The following VAC14 variants were observed in gnomAD, a reference collection of about 807,000 sequenced individuals.
VAC14 encodes the protein protein VAC14 homolog.
VAC14 carries 47 observed loss-of-function variants against 85.3 expected under a neutral mutation model. That is an observed-to-expected ratio of 0.55 (90% CI 0.44 to 0.70). The LOEUF (loss-of-function observed/expected upper bound fraction) is 0.70. Ranked by LOEUF, VAC14 falls within the 30% of genes least tolerant of loss-of-function variation. VAC14 has a pLI of 0.00. For synonymous variants in VAC14, 447 were observed against 430.5 expected, an observed-to-expected ratio of 1.04 and a Z score of -0.47; for missense variants, 861 against 1,004.3, an observed-to-expected ratio of 0.86 and a Z score of 1.93.
intron 13 of VAC14, among the ~76,000 whole-genome samples, chr16:70,737,187 G>A (rs911107889): frequency 2.0e-5 from 3 of 152,216 alleles, no homozygotes; most frequent in African/African-American, 7.2e-5. Flanking sequence ...GCCCACCTCC[G>A]GCTCTGGCTC....
rs548450613 is a variant in VAC14, at chr16:70,726,719, C to T, written c.1661+4776G>A. Reference sequence around the variant, plus strand: ...GTACAGCACCCCACCGCACATGTCGCCATCTTCGCTCTATCTGTGAGCTTG... The same window carrying T: ...GTACAGCACCCCACCGCACATGTCGTCATCTTCGCTCTATCTGTGAGCTTG... On this transcript the variant is annotated intron_variant, in intron 14 of 18. Coordinates refer to ENST00000261776, the MANE Select transcript of VAC14 (RefSeq NM_018052.5). 2.6e-3 allele frequency among the ~76,000 whole-genome samples: 395 copies of T among 152,300 alleles called. 1 individual carries two copies. The highest frequency in any genetic ancestry group is 4.7e-3 in the Non-Finnish European group (318 of 68,032).
In VAC14 at chr16:70,786,094, G is replaced by C. The variant is rs914120033; in HGVS notation, c.255+121C>G. The stretch of plus-strand genomic sequence containing the variant: ...GCCTTGCTGGTCTCAGGTGCGGACA[G>C]AGTGGTAATAAAACATAGGTCTGCA... On this transcript the variant is annotated intron_variant, in intron 2 of 18. Coordinates refer to ENST00000261776, the MANE Select transcript of VAC14 (RefSeq NM_018052.5). The C allele has an allele frequency of 3.4e-6, 5 of 1,483,554 alleles. No homozygotes were observed. In the African/African-American group the frequency reaches 7.0e-5, roughly 21 times the overall value. 91.9% of individuals were successfully genotyped at this position (1,483,554 alleles called of 1,614,324 possible). A position where few individuals can be genotyped will look rare whatever the true frequency, so the allele number is the denominator to read the frequency against.
At chr16:70,692,186 C>T in intron 18 of VAC14, 1 of 710,238 alleles carries the variant, frequency 1.4e-6, no homozygotes, top group Non-Finnish European at 1.7e-6. Context: ...GGAGCCGGCA[C>T]TCCTCTGACC....
chr16:70,762,727 C>T lies in VAC14; in HGVS notation c.1306-122G>A. ...CTGCACGGACCACTTCCCTCCCCGACACAATGAGGGCTCCTCGCAGCACCT... is the reference window on the plus strand; with the variant it reads ...CTGCACGGACCACTTCCCTCCCCGATACAATGAGGGCTCCTCGCAGCACCT... On this transcript the variant is annotated intron_variant, in intron 11 of 18. Coordinates refer to ENST00000261776, the MANE Select transcript of VAC14 (RefSeq NM_018052.5). This position sits in a 1 kb window ranked among gnomAD's most constrained non-coding sequence, Gnocchi z 4.1. 6.7e-7 allele frequency: 1 copy of T among 1,486,702 alleles called. No individual in the cohort carries two copies. The highest frequency in any genetic ancestry group is 9.2e-7 in the Non-Finnish European group (1 of 1,083,772). 92.1% of individuals were successfully genotyped at this position (1,486,702 alleles called of 1,614,324 possible).
chr16:70,713,703 GTTTTTGT>G (rs1475035407), intron 14 of VAC14, among the ~76,000 whole-genome samples: 5 of 109,480 alleles, frequency 4.6e-5, no homozygotes, highest in Non-Finnish European at 1.0e-4. Flanking sequence ...GAGCATCTTT[GTTTTTGT>G]TTTTTTTTTT....
intron 13 of VAC14, 42 bp downstream of exon 13, chr16:70,744,381 C>T (rs767175149): frequency 1.7e-5 from 28 of 1,612,568 alleles, no homozygotes; most frequent in Non-Finnish European, 2.3e-5. Context: ...CCGGCACTGG[C>T]ACTAAGGCCC....
At position 70,786,327 on chromosome 16, in the gene VAC14, T is replaced by G; in HGVS notation, c.143A>C (p.Gln48Pro). Residue 48 changes from glutamine to proline, a missense_variant, in exon 2 of 19, where the codon CAA becomes CCA. Coordinates refer to ENST00000261776, the MANE Select transcript of VAC14 (RefSeq NM_018052.5). ...REFVAQNNTV[Q>P]IKHVIQTLSQ... Reference sequence around the variant, plus strand: ...CAGGGTCTGGATCACATGCTTGATTTGCACGGTATTGTTCTGGGCCACGAA... The same window carrying G: ...CAGGGTCTGGATCACATGCTTGATTGGCACGGTATTGTTCTGGGCCACGAA... 1.2e-6 allele frequency: 2 copies of G among 1,614,236 alleles called. No individual in the cohort carries two copies. Among genetic ancestry groups the G allele is most frequent in the Non-Finnish European group, 1.7e-6 (2 of 1,180,040 alleles).
intron 12 of VAC14, among the ~76,000 whole-genome samples, chr16:70,755,753 G>A (rs1026037496): frequency 6.6e-6 from 1 of 152,214 alleles, no homozygotes. Flanking sequence ...TGGAGGGGCC[G>A]TCATTGGCTC....
intron 13 of VAC14, among the ~76,000 whole-genome samples, chr16:70,743,489 A>C (rs1364314764): frequency 6.6e-6 from 1 of 152,250 alleles, no homozygotes; most frequent in Non-Finnish European, 1.5e-5. Context: ...TAACAGCTGT[A>C]ACACTTGCCG....
In VAC14 at chr16:70,771,824, GC is replaced by G. The variant is rs2143165652; in HGVS notation, c.1160+284del. On this transcript the variant is annotated intron_variant, in intron 10 of 18. Transcript: ENST00000261776. ...TTAAACTCCTGAGCTCAAGCGATGT[GC>G]CTGCCTTGGCCTCCCCAAGTGCTGG... 2.6e-5 allele frequency: 9 copies of G among 349,834 alleles called. No homozygotes were observed. The South Asian group carries it at 4.5e-4, about 17-fold the overall frequency. 21.7% of individuals were successfully genotyped at this position (349,834 alleles called of 1,614,324 possible). A position where few individuals can be genotyped will look rare whatever the true frequency, so the allele number is the denominator to read the frequency against.
chr16:70,730,124 C>G (rs985668764), intron 14 of VAC14, among the ~76,000 whole-genome samples: 8 of 151,920 alleles, frequency 5.3e-5, no homozygotes, highest in Non-Finnish European at 1.0e-4. Context: ...CCAGACAAAT[C>G]TACTTCCTAC....
chr16:70,745,077 G>A (rs190769688), intron 12 of VAC14: 1 of 155,648 alleles, frequency 6.4e-6, no homozygotes, highest in East Asian at 1.9e-4. Context: ...GGCCACTGCA[G>A]ACCCTAAAGC....
At chr16:70,778,564 C>T (rs2033642706) in intron 9 of VAC14, 1 of 152,110 alleles carries the variant, frequency 6.6e-6, no homozygotes, top group African/African-American at 2.4e-5. Flanking sequence ...TCTAGAACAT[C>T]TCCATAACCC....
intron 17 of VAC14, 40 bp from the exon 18 acceptor site, chr16:70,693,011 G>A (rs760942892): frequency 2.8e-5 from 45 of 1,588,864 alleles, no homozygotes; most frequent in Admixed American, 7.0e-5. Context: ...ACCTGGCACT[G>A]CTCTGGGACA....
rs2053524407 is a variant in VAC14, at chr16:70,687,831, G to T, written c.*97C>A. ...GCCCTGGGTTGGCAGGCCCAGCCCT[G>T]GTCCTGACAGGCAGGTCCTTGAGCT... On this transcript the variant is annotated 3_prime_UTR_variant, in exon 19 of 19. Coordinates refer to ENST00000261776, the MANE Select transcript of VAC14 (RefSeq NM_018052.5). 1 of 1,283,590 alleles carries T rather than the reference G, an allele frequency of 7.8e-7. No individual in the cohort carries two copies. Among genetic ancestry groups the T allele is most frequent in the African/African-American group, 1.5e-5 (1 of 64,900 alleles). The allele number at this position is 1,283,590 out of a possible 1,614,324, so 79.5% of individuals were successfully genotyped here.
rs745504886 is a variant in VAC14, at chr16:70,780,921, T to C, written c.965A>G (p.Asn322Ser). The change falls in exon 9 of 19, where the codon AAC becomes AGC. Residue 322 changes from asparagine to serine, a missense_variant. Coordinates refer to ENST00000261776, the MANE Select transcript of VAC14 (RefSeq NM_018052.5). ...CTTCATCAGGCTCTGGTTGCACACG[T>C]TGGCCACTTCTTTGATGCCTGAGTC... ...DRKKSIKEVA[N>S]VCNQSLMKLV... 79 of 1,614,052 alleles carry C rather than the reference T, an allele frequency of 4.9e-5. No homozygotes were observed. The highest frequency in any genetic ancestry group is 1.7e-4 in the Admixed American group (10 of 59,996).
rs762981155 is a variant in VAC14, at chr16:70,688,115, C to T, written c.2187-25G>A. On this transcript the variant is annotated intron_variant, in intron 18 of 18. Transcript: ENST00000261776. ...TCTGGGAAGAGGGAGCAGAAATGCT[C>T]AGTGTCAGGGATCAGCTCACAGGGG... 4 of 1,523,736 alleles carry T rather than the reference C, an allele frequency of 2.6e-6. No homozygotes were observed. In the Admixed American group the frequency reaches 7.6e-5, roughly 29 times the overall value. 94.4% of individuals were successfully genotyped at this position (1,523,736 alleles called of 1,614,324 possible).
At chr16:70,759,760 A>G (rs2032168417) in intron 12 of VAC14, among the ~76,000 whole-genome samples, 1 of 152,208 alleles carries the variant, frequency 6.6e-6, no homozygotes, top group African/African-American at 2.4e-5. Context: ...TGAGGAAATG[A>G]GGAGGAAGAT....
chr16:70,763,160 G>A (rs1648229744), intron 10 of VAC14, 135 bp from the exon 11 acceptor site: 1 of 1,288,746 alleles, frequency 7.8e-7, no homozygotes, highest in South Asian at 1.5e-5. Context: ...TCGGGGGTCA[G>A]GGATAACCTG....
Sources: gnomAD v4.1 joint callset for allele counts (sites outside exome capture counted in the v4.1 genomes callset) on GRCh38, gnomAD v4.1.1 for gene constraint, Gnocchi (gnomAD v3.1) non-coding constraint, MANE v1.5 for transcripts, NCBI Gene and HGNC (gene_info 2026-07-23, HGNC 2026-07-21) for gene names.